Variants in MIGA1 observed in about 807,000 individuals in gnomAD.
The protein encoded by MIGA1 is mitoguardin 1, also known as family with sequence similarity 73, member A.
Under a neutral mutation model 82.0 loss-of-function variants are expected in MIGA1, and 58 were observed. That is an observed-to-expected ratio of 0.71 (90% CI 0.57 to 0.88). The LOEUF (loss-of-function observed/expected upper bound fraction) is 0.88, where lower values mean the gene tolerates loss of function less well. Among genes scored for constraint, MIGA1 ranks in the 40% least tolerant of loss-of-function variants. The pLI, the probability that MIGA1 is intolerant of heterozygous loss-of-function variation, is 0.00. For synonymous variants in MIGA1, 249 were observed against 253.6 expected, an observed-to-expected ratio of 0.98 and a Z score of 0.17; for missense variants, 751 against 749.1, an observed-to-expected ratio of 1.00 and a Z score of -0.03.
chr1:77,809,083 T>C (rs1159105371), intron 5 of MIGA1, among the ~76,000 whole-genome samples: 1 of 152,022 alleles, frequency 6.6e-6, no homozygotes, highest in African/African-American at 2.4e-5. Context: ...CACTACAGCC[T>C]GGGTGACAGA....
intron 7 of MIGA1, among the ~76,000 whole-genome samples, chr1:77,834,087 A>G (rs1684340064): frequency 6.6e-6 from 1 of 152,232 alleles, no homozygotes; most frequent in Non-Finnish European, 1.5e-5. Context: ...CATGGGTGAA[A>G]CTTTATACGT....
chr1:77,809,461 G>A (rs541004904), intron 5 of MIGA1, among the ~76,000 whole-genome samples: 1 of 152,118 alleles, frequency 6.6e-6, no homozygotes, highest in Admixed American at 6.6e-5. Flanking sequence ...GAAGCCAAGT[G>A]TGGTGGCACA....
chr1:77,808,140 T>A (rs1683177946), intron 5 of MIGA1, among the ~76,000 whole-genome samples: 1 of 151,550 alleles, frequency 6.6e-6, no homozygotes, highest in Non-Finnish European at 1.5e-5. Flanking sequence ...CTTTTTTTTT[T>A]TTTTTTTTAT....
At position 77,803,304 on chromosome 1, in the gene MIGA1, ATTATCT is replaced by A. The variant is rs777644134; in HGVS notation, c.412_417del (p.Leu139_Ser140del). 3.2e-6 allele frequency: 5 copies of A among 1,544,240 alleles called. No homozygotes were observed. The highest frequency in any genetic ancestry group is 2.4e-5 in the East Asian group (1 of 41,860). ...GTTCCAGTAGCAGACAGAATTTGAC[ATTATCT>A]TTAAGTTCTACCAAAGACAAAGGAT... On this transcript the variant is annotated inframe_deletion, in exon 4 of 16. Coordinates refer to ENST00000370791, the MANE Select transcript of MIGA1 (RefSeq NM_198549.4).
chr1:77,843,585 A>T (rs1490339292), intron 8 of MIGA1, among the ~76,000 whole-genome samples, 178 bp downstream of exon 8: 1 of 152,108 alleles, frequency 6.6e-6, no homozygotes, highest in South Asian at 2.1e-4. Context: ...AGGAGCTTAC[A>T]CTCTCTTTAA....
At position 77,858,950 on chromosome 1, in the gene MIGA1, A is replaced by G. The variant is rs556378641; in HGVS notation, c.1009A>G (p.Arg337Gly). 2.5e-6 allele frequency: 4 copies of G among 1,609,870 alleles called. No homozygotes were observed. Among genetic ancestry groups the G allele is most frequent in the South Asian group, 1.1e-5 (1 of 90,954 alleles). ...ACCGTGCTCTTAGCTTGCAGAACAC[A>G]GAGAAGTACGGCATACCTACAGCCT... The change falls in exon 9 of 16, where the codon AGA (arginine) becomes GGA (glycine). Residue 337 changes from arginine (R) to glycine (G), a missense_variant. Around this residue, in one of 3 missense-constraint regions of MIGA1, gnomAD observed 482 missense variants for 439.4 expected, o/e 1.10. Transcript: ENST00000370791.
chr1:77,859,838 A>G (rs1685398239), intron 10 of MIGA1: 1 of 462,988 alleles, frequency 2.2e-6, no homozygotes, highest in Non-Finnish European at 3.8e-6. Context: ...TTCAAATTTA[A>G]CTCCCTTTAA....
chr1:77,791,438 A>G (rs1211954108), intron 2 of MIGA1, among the ~76,000 whole-genome samples: 4 of 151,820 alleles, frequency 2.6e-5, no homozygotes, highest in African/African-American at 9.7e-5. Context: ...TTTGTTAACC[A>G]TTCATTTACT....
chr1:77,807,753 C>A (rs1683158479), intron 5 of MIGA1, among the ~76,000 whole-genome samples: 1 of 152,134 alleles, frequency 6.6e-6, no homozygotes, highest in Non-Finnish European at 1.5e-5. Flanking sequence ...GTGACCACAT[C>A]ATTCCAGTCT....
In MIGA1 at chr1:77,843,358, G is replaced by T; in HGVS notation, c.947G>T (p.Arg316Leu). The stretch of plus-strand genomic sequence containing the variant: ...GGTAATGTGGAAGACTTTGGCCTGC[G>T]AGACACCTTGAGCATCGCATCCACG... Residue 316 changes from arginine to leucine, a missense_variant, in exon 8 of 16, where the codon CGA (arginine) becomes CTA (leucine). Physicochemically the swap from Arg to Leu is moderately radical, Grantham distance 102 (BLOSUM62 -2). Coordinates refer to ENST00000370791, the MANE Select transcript of MIGA1 (RefSeq NM_198549.4). 6.2e-7 allele frequency: 1 copy of T among 1,614,002 alleles called. No homozygotes were observed. Among genetic ancestry groups the T allele is most frequent in the Non-Finnish European group, 8.5e-7 (1 of 1,179,920 alleles).
intron 4 of MIGA1, 124 bp downstream of exon 4, chr1:77,803,530 G>T: frequency 2.3e-6 from 1 of 432,386 alleles, no homozygotes; most frequent in South Asian, 1.0e-4. Context: ...TCGTCTGAAT[G>T]TGCTTTCTTT....
Position 77,789,201 on chromosome 1 carries a change from C to CTT in MIGA1, c.195+5869_195+5870dup, listed in dbSNP as rs148055304. Among the ~76,000 whole-genome samples, 804 of 108,828 alleles carry CTT rather than the reference C, an allele frequency of 7.4e-3. 31 individuals are homozygous for CTT. Among genetic ancestry groups the CTT allele is most frequent in the African/African-American group, 0.023 (648 of 28,426 alleles). The allele number at this position is 108,828 out of a possible 152,430, so 71.4% of individuals were successfully genotyped here. A position where few individuals can be genotyped will look rare whatever the true frequency, so the allele number is the denominator to read the frequency against. On this transcript the variant is annotated intron_variant, in intron 2 of 15. Coordinates refer to ENST00000370791, the MANE Select transcript of MIGA1 (RefSeq NM_198549.4). ...TAAATGGAATTGTGGGGGGCGGTTG[C>CTT]TTTTTTTTTTTTTTTTTTTTCTTTG...
intron 1 of MIGA1, among the ~76,000 whole-genome samples, chr1:77,782,490 A>C (rs1681965705): frequency 6.6e-6 from 1 of 152,164 alleles, no homozygotes; most frequent in African/African-American, 2.4e-5. Context: ...TTTATGCATC[A>C]ATACCATGTA....
chr1:77,844,113 A>ATATATATAT (rs1553223128), intron 8 of MIGA1, among the ~76,000 whole-genome samples: 18 of 90,108 alleles, frequency 2.0e-4, no homozygotes, highest in African/African-American at 5.0e-4. Flanking sequence ...AAAAAAAAAA[A>ATATATATAT]ATATATATAT....
intron 7 of MIGA1, among the ~76,000 whole-genome samples, chr1:77,830,104 T>C (rs1192724637): frequency 6.6e-6 from 1 of 152,180 alleles, no homozygotes; most frequent in Admixed American, 6.5e-5. Context: ...TGCTTTTCCA[T>C]GTGAAGTTTA....
At chr1:77,818,812 G>A (rs1683681006) in intron 7 of MIGA1, among the ~76,000 whole-genome samples, 1 of 152,092 alleles carries the variant, frequency 6.6e-6, no homozygotes, top group South Asian at 2.1e-4. Context: ...GGGCGTGGTG[G>A]CTCACGCCTG....
rs769311114 is a variant in MIGA1, at chr1:77,863,967, C to T, written c.1448C>T (p.Pro483Leu). Reference sequence around the variant, plus strand: ...GACTCCTTTGAAGATTTGGAAAACCCACCCACATCCATACAGAATGTAGTA... The same window carrying T: ...GACTCCTTTGAAGATTTGGAAAACCTACCCACATCCATACAGAATGTAGTA... The change falls in exon 13 of 16, where the codon CCA (proline) becomes CTA (leucine). Residue 483 changes from proline to leucine, a missense_variant. Physicochemically the swap from Pro to Leu is moderately conservative, Grantham distance 98. This residue lies in a region of MIGA1 where 265 missense variants were observed against 293.6 expected (regional missense o/e 0.90). Coordinates refer to ENST00000370791, the MANE Select transcript of MIGA1 (RefSeq NM_198549.4). 1.2e-6 allele frequency: 2 copies of T among 1,606,006 alleles called. No individual in the cohort carries two copies. The highest frequency in any genetic ancestry group is 1.7e-6 in the Non-Finnish European group (2 of 1,177,918).
rs971026049 is a variant in MIGA1, at chr1:77,822,245, T to C, written c.895+7014T>C. On this transcript the variant is annotated intron_variant, in intron 7 of 15. Coordinates refer to ENST00000370791, the MANE Select transcript of MIGA1 (RefSeq NM_198549.4). The stretch of plus-strand genomic sequence containing the variant: ...CTATGAATTCAGCTTATTCTGTTTT[T>C]ACGTTTTTCATCTTGATTATAAAGA... Among the ~76,000 whole-genome samples, 6 of 152,346 alleles carry C rather than the reference T, an allele frequency of 3.9e-5. No homozygotes were observed. The East Asian group carries it at 7.7e-4, about 20-fold the overall frequency.
Position 77,875,260 on chromosome 1 carries a change from T to C in MIGA1, c.*196T>C, listed in dbSNP as rs1571032019. On this transcript the variant is annotated 3_prime_UTR_variant, in exon 16 of 16. Coordinates refer to ENST00000370791, the MANE Select transcript of MIGA1 (RefSeq NM_198549.4). The stretch of plus-strand genomic sequence containing the variant: ...ATTGAATTCCTGTGTAGTGTAGTCA[T>C]AGTGGCTTTTTGCATTCATTAGGTA... 4.0e-6 allele frequency: 2 copies of C among 504,650 alleles called. No individual in the cohort carries two copies. The highest frequency in any genetic ancestry group is 3.9e-5 in the African/African-American group (2 of 51,214). The allele number at this position is 504,650 out of a possible 1,614,324, so 31.3% of individuals were successfully genotyped here.
Sources: gnomAD v4.1 joint callset for allele counts (sites outside exome capture counted in the v4.1 genomes callset) on GRCh38, gnomAD v4.1.1 for gene constraint, gnomAD v4.1.1 regional missense constraint, MANE v1.5 for transcripts, NCBI Gene and HGNC (gene_info 2026-07-23, HGNC 2026-07-21) for gene names.